The following AXDND1 variants were observed in gnomAD, a reference collection of about 807,000 sequenced individuals.
AXDND1 encodes the protein axonemal dynein light chain domain containing 1.
AXDND1 carries 110 observed loss-of-function variants against 137.5 expected under a neutral mutation model. That is an observed-to-expected ratio of 0.80 (90% CI 0.69 to 0.94). AXDND1 has a LOEUF of 0.94. Ranked by LOEUF, AXDND1 falls within the 40% of genes least tolerant of loss-of-function variation. The pLI is 0.00. For synonymous variants in AXDND1, 414 were observed against 399.7 expected, an observed-to-expected ratio of 1.04 and a Z score of -0.43; for missense variants, 1,191 against 1,169.8, an observed-to-expected ratio of 1.02 and a Z score of -0.26.
chr1:179,432,213 T>C (rs979792887), intron 14 of AXDND1, 54 bp from the exon 15 acceptor site: 1 of 1,476,390 alleles, frequency 6.8e-7, no homozygotes, highest in Admixed American at 2.6e-5. Flanking sequence ...GAACTGATGA[T>C]CTTGTTTATG....
At chr1:179,409,307 C>CA (rs1653484545) in intron 11 of AXDND1, among the ~76,000 whole-genome samples, 1 of 151,940 alleles carries the variant, frequency 6.6e-6, no homozygotes, top group East Asian at 1.9e-4. Flanking sequence ...TTGTATCCTG[C>CA]AACTTTACTG....
chr1:179,457,595 G>A (rs148923797), intron 16 of AXDND1, among the ~76,000 whole-genome samples: 419 of 152,132 alleles, frequency 2.8e-3, no homozygotes, highest in Non-Finnish European at 3.7e-3. Context: ...ATTTCATATA[G>A]CCAGTATTCA....
intron 20 of AXDND1, among the ~76,000 whole-genome samples, chr1:179,500,367 G>A (rs1173261482): frequency 6.6e-6 from 1 of 151,348 alleles, no homozygotes; most frequent in Admixed American, 6.6e-5. Context: ...GTGTGTGTGT[G>A]TGTGTGTGTG....
chr1:179,522,328 A>C (rs888997632), intron 21 of AXDND1, among the ~76,000 whole-genome samples: 1 of 152,096 alleles, frequency 6.6e-6, no homozygotes, highest in Admixed American at 6.6e-5. Flanking sequence ...TTCTTTTTCA[A>C]GTCTCATCAT....
chr1:179,552,381 G>GT (rs1411129652), intron 25 of AXDND1: 30 of 600,976 alleles, frequency 5.0e-5, no homozygotes, highest in African/African-American at 4.4e-4. Flanking sequence ...GACTCAAGCA[G>GT]TGAGTGGTCA....
chr1:179,483,075 A>G (rs1665616501), intron 17 of AXDND1, 53 bp from the exon 18 acceptor site: 2 of 1,240,354 alleles, frequency 1.6e-6, no homozygotes, highest in Admixed American at 2.1e-5. Context: ...TGATAGTTAC[A>G]TTTATCCTTT....
At chr1:179,432,933 G>A (rs1434417158) in intron 15 of AXDND1, among the ~76,000 whole-genome samples, 1 of 151,948 alleles carries the variant, frequency 6.6e-6, no homozygotes, top group Non-Finnish European at 1.5e-5. Context: ...TAAGTTTTAT[G>A]AACAACAAGG....
intron 17 of AXDND1, among the ~76,000 whole-genome samples, chr1:179,477,121 G>A (rs903041841): frequency 6.6e-6 from 1 of 151,818 alleles, no homozygotes; most frequent in African/African-American, 2.4e-5. Context: ...ATTTACTGTT[G>A]AGCCCTAGTA....
chr1:179,426,151 A>G (rs1355578214), intron 12 of AXDND1, among the ~76,000 whole-genome samples: 3 of 152,186 alleles, frequency 2.0e-5, no homozygotes, highest in African/African-American at 7.2e-5. Flanking sequence ...CTTTCTAAGT[A>G]TGACGGGAAA....
At chr1:179,395,349 C>T (rs1377731160) in intron 11 of AXDND1, 147 bp downstream of exon 11, 7 of 627,912 alleles carry the variant, frequency 1.1e-5, no homozygotes, top group Non-Finnish European at 1.6e-5. Flanking sequence ...GTTGATTTCT[C>T]ATTCTGGGTG....
At chr1:179,513,854 G>A (rs1669275115) in intron 21 of AXDND1, among the ~76,000 whole-genome samples, 1 of 152,068 alleles carries the variant, frequency 6.6e-6, no homozygotes, top group Non-Finnish European at 1.5e-5. Context: ...TGTGCATAAA[G>A]ATGTTCTTAG....
chr1:179,383,442 G>A lies in AXDND1; in HGVS notation c.639G>A (p.Met213Ile). The A allele has an allele frequency of 2.5e-6, 4 of 1,611,370 alleles. No homozygotes were observed. Among genetic ancestry groups the A allele is most frequent in the Non-Finnish European group, 3.4e-6 (4 of 1,177,960 alleles). The change falls in exon 8 of 26, where the codon ATG becomes ATA. Residue 213 changes from methionine to isoleucine, a missense_variant and splice_region_variant. Physicochemically the swap from Met to Ile is conservative, Grantham distance 10 (BLOSUM62 1). Coordinates refer to ENST00000367618, the MANE Select transcript of AXDND1 (RefSeq NM_144696.6). ...TAAGTCTGCCACCTTAATTTTTTAG[G>A]AAACCTAATAAAAGAGTAGAAGTGG... ...SENRLLLFPSMKPNKRVEVAQ... is the reference protein window; with the variant it reads ...SENRLLLFPSIKPNKRVEVAQ...
intron 20 of AXDND1, among the ~76,000 whole-genome samples, chr1:179,498,254 A>G (rs1210941717): frequency 6.6e-6 from 1 of 152,094 alleles, no homozygotes; most frequent in East Asian, 1.9e-4. Flanking sequence ...CTTACTTCAA[A>G]CTATATAATA....
chr1:179,439,120 A>C (rs1269624768), intron 15 of AXDND1, among the ~76,000 whole-genome samples: 2 of 152,062 alleles, frequency 1.3e-5, no homozygotes, highest in Non-Finnish European at 2.9e-5. Flanking sequence ...TCCAATCCAC[A>C]ATGTCTCCAG....
chr1:179,367,908 G>A (rs1209489137), intron 2 of AXDND1, among the ~76,000 whole-genome samples: 8 of 151,772 alleles, frequency 5.3e-5, no homozygotes, highest in Non-Finnish European at 4.4e-5. Flanking sequence ...ATCCTTACCC[G>A]GTTCTGTTAA....
chr1:179,510,460 C>T (rs1668934714), intron 21 of AXDND1, among the ~76,000 whole-genome samples: 1 of 147,038 alleles, frequency 6.8e-6, no homozygotes, highest in Admixed American at 6.8e-5. Flanking sequence ...TTTTTTTTTA[C>T]ATTTAAACAC....
At chr1:179,366,660 C>A in intron 2 of AXDND1, 54 bp downstream of exon 2, 1 of 1,448,902 alleles carries the variant, frequency 6.9e-7, no homozygotes, top group South Asian at 1.2e-5. Flanking sequence ...AGACAGAAAT[C>A]ACCTTCCATT....
At position 179,411,274 on chromosome 1, in the gene AXDND1, C is replaced by A; in HGVS notation, c.1230+8C>A. Reference sequence around the variant, plus strand: ...TATGAATTGGCCCTGAAGGTTAGTTCATCTGGATTCACAACTCACACTTCT... The same window carrying A: ...TATGAATTGGCCCTGAAGGTTAGTTAATCTGGATTCACAACTCACACTTCT... On this transcript the variant is annotated splice_region_variant and intron_variant, in intron 12 of 25. Transcript: ENST00000367618. 6.2e-7 allele frequency: 1 copy of A among 1,603,744 alleles called. No individual in the cohort carries two copies. Among genetic ancestry groups the A allele is most frequent in the South Asian group, 1.1e-5 (1 of 88,138 alleles).
At chr1:179,502,586 G>C (rs149720115) in intron 20 of AXDND1, among the ~76,000 whole-genome samples, 1 of 102,242 alleles carries the variant, frequency 9.8e-6, no homozygotes, top group Non-Finnish European at 2.1e-5. Context: ...AAAAAAAAAA[G>C]AAATTGCAAA....
Sources: gnomAD v4.1 joint callset for allele counts (sites outside exome capture counted in the v4.1 genomes callset) on GRCh38, gnomAD v4.1.1 for gene constraint, MANE v1.5 for transcripts, NCBI Gene and HGNC (gene_info 2026-07-23, HGNC 2026-07-21) for gene names.